Variants in NUP42 observed in about 807,000 individuals in gnomAD.
NUP42 encodes nucleoporin 42.
A neutral mutation model predicts 35.9 loss-of-function variants in NUP42; 47 were observed. The observed-to-expected ratio is 1.31, with a 90% CI of 1.04 to 1.67. The LOEUF (loss-of-function observed/expected upper bound fraction) is 1.67, where lower values mean the gene tolerates loss of function less well. NUP42 is among the 40% of genes most tolerant of loss of function. NUP42 has a pLI of 0.00. For missense variants in NUP42, 514 were observed against 492.2 expected, an observed-to-expected ratio of 1.04 and a Z score of -0.42; for synonymous variants, 173 against 173.3, an observed-to-expected ratio of 1.00 and a Z score of 0.01.
At chr7:23,196,433 T>G in intron 4 of NUP42, 1 of 423,432 alleles carries the variant, frequency 2.4e-6, no homozygotes, top group Non-Finnish European at 4.2e-6. Flanking sequence ...CAAATATAAC[T>G]AACTACGTGC....
chr7:23,196,787 T>C, intron 5 of NUP42, 21 bp downstream of exon 5: 1 of 1,498,046 alleles, frequency 6.7e-7, no homozygotes, highest in South Asian at 1.1e-5. Flanking sequence ...GAGAGTTTTC[T>C]TGAGGGAAGT....
At chr7:23,184,748 T>C (rs2286272) in intron 1 of NUP42, among the ~76,000 whole-genome samples, 54,729 of 152,114 alleles carry the variant, frequency 0.36, 10,207 homozygotes, top group African/African-American at 0.44. Flanking sequence ...CTCATGCCTA[T>C]AATTCCAGCA....
intron 2 of NUP42, among the ~76,000 whole-genome samples, chr7:23,185,658 C>G (rs190209556): frequency 6.6e-6 from 1 of 152,328 alleles, no homozygotes; most frequent in Non-Finnish European, 1.5e-5. Flanking sequence ...TAAGTTCATT[C>G]TAACTTACAA....
intron 3 of NUP42, chr7:23,194,945 C>G (rs1032196139): frequency 7.2e-6 from 1 of 139,614 alleles, no homozygotes; most frequent in Non-Finnish European, 1.6e-5. Context: ...GCCTCAGCCT[C>G]CCAAAGTGCT....
chr7:23,193,189 A>C (rs1785868745), intron 3 of NUP42, among the ~76,000 whole-genome samples: 1 of 152,174 alleles, frequency 6.6e-6, no homozygotes, highest in Non-Finnish European at 1.5e-5. Context: ...ATGTGGACCC[A>C]AAGAGTGAGC....
At chr7:23,193,963 C>T (rs1785914849) in intron 3 of NUP42, among the ~76,000 whole-genome samples, 1 of 152,260 alleles carries the variant, frequency 6.6e-6, no homozygotes, top group Non-Finnish European at 1.5e-5. Context: ...CCCTCCGCAG[C>T]CGCTGGCCCG....
At chr7:23,184,579 T>C (rs1785526645) in intron 1 of NUP42, among the ~76,000 whole-genome samples, 2 of 152,240 alleles carry the variant, frequency 1.3e-5, no homozygotes, top group African/African-American at 4.8e-5. Context: ...GATTTGTTGA[T>C]ATTACAACCT....
intron 3 of NUP42, chr7:23,188,269 T>A (rs1012139604): frequency 1.6e-6 from 2 of 1,230,852 alleles, no homozygotes; most frequent in African/African-American, 3.1e-5. Context: ...TTAACAAATA[T>A]TTACTGAATT....
chr7:23,182,417 C>G lies in NUP42; in HGVS notation c.121+211C>G. 3 of 1,379,442 alleles carry G rather than the reference C, an allele frequency of 2.2e-6. 1 individual carries two copies. Among genetic ancestry groups the G allele is most frequent in the South Asian group, 3.5e-5 (2 of 57,832 alleles). The allele number at this position is 1,379,442 out of a possible 1,614,324, so 85.5% of individuals were successfully genotyped here. ...CCGTTTTTATTGAGCTTCTGAGGAC[C>G]TGGGTTTGGGCCTGGATGCTTGTGC... is the stretch of plus-strand genomic sequence containing the variant. On this transcript the variant is annotated intron_variant, in intron 1 of 6. Coordinates refer to ENST00000258742, the MANE Select transcript of NUP42 (RefSeq NM_007342.3).
At chr7:23,194,169 C>A (rs1252121096) in intron 3 of NUP42, among the ~76,000 whole-genome samples, 3 of 152,230 alleles carry the variant, frequency 2.0e-5, no homozygotes, top group African/African-American at 7.2e-5. Flanking sequence ...CAGAAAGGGG[C>A]TCCCACAGTG....
intron 3 of NUP42, among the ~76,000 whole-genome samples, chr7:23,192,736 G>A (rs1195580097): frequency 1.3e-5 from 2 of 151,756 alleles, no homozygotes; most frequent in African/African-American, 4.8e-5. Flanking sequence ...TGTACAAGTG[G>A]CCCCTGTACA....
intron 1 of NUP42, chr7:23,182,625 C>G (rs561101358): frequency 1.9e-6 from 1 of 537,732 alleles, no homozygotes. Flanking sequence ...ACCGGCCGGG[C>G]GGTGGCTCAC....
intron 3 of NUP42, among the ~76,000 whole-genome samples, chr7:23,192,546 CAAAAAAA>C (rs200047613): frequency 0.016 from 1,049 of 65,344 alleles, 15 homozygotes; most frequent in East Asian, 0.14. Flanking sequence ...GACTTCATCT[CAAAAAAA>C]AAAAAAAAAA....
rs1366276174 is a variant in NUP42, at chr7:23,200,714, A to C, written c.1241A>C (p.Lys414Thr). 1 of 1,602,962 alleles carries C rather than the reference A, an allele frequency of 6.2e-7. No individual in the cohort carries two copies. The highest frequency in any genetic ancestry group is 8.5e-7 in the Non-Finnish European group (1 of 1,175,932). ...KKFTLGKIPL[K>T]PPPLELLNV ...TTTACTCTGGGAAAAATTCCATTAA[A>C]GCCTCCACCTCTGGAACTTCTAAAT... Residue 414 changes from lysine to threonine, a missense_variant, in exon 7 of 7, where the codon AAG (lysine) becomes ACG (threonine). Coordinates refer to ENST00000258742, the MANE Select transcript of NUP42 (RefSeq NM_007342.3).
intron 3 of NUP42, among the ~76,000 whole-genome samples, chr7:23,194,197 TCTC>T (rs1299172318): frequency 1.3e-5 from 2 of 152,144 alleles, no homozygotes; most frequent in African/African-American, 2.4e-5. Flanking sequence ...GGGCTGAAGG[TCTC>T]CTCAAGTGCC....
intron 3 of NUP42, chr7:23,188,204 C>T (rs1785670789): frequency 1.6e-6 from 2 of 1,259,318 alleles, no homozygotes; most frequent in South Asian, 7.2e-5. Context: ...GTTCTAGTTG[C>T]TCATTTTCTG....
intron 3 of NUP42, among the ~76,000 whole-genome samples, chr7:23,193,051 G>A (rs954634693): frequency 4.6e-5 from 7 of 151,966 alleles, no homozygotes; most frequent in Admixed American, 1.3e-4. Context: ...GGACCTTCGC[G>A]GTGAGTGTTA....
intron 5 of NUP42, 100 bp downstream of exon 5, chr7:23,196,866 A>G (rs920515010): frequency 1.2e-5 from 9 of 773,070 alleles, no homozygotes; most frequent in Non-Finnish European, 1.9e-5. Flanking sequence ...AAAATTTTCT[A>G]TCAAGAATTA....
At chr7:23,191,291 A>T (rs1242029031) in intron 3 of NUP42, among the ~76,000 whole-genome samples, 1 of 152,212 alleles carries the variant, frequency 6.6e-6, no homozygotes, top group African/African-American at 2.4e-5. Context: ...CTAACTCAGC[A>T]TGCTGTGTGA....
Sources: allele counts gnomAD v4.1 joint callset (sites outside exome capture counted in the v4.1 genomes callset), GRCh38; gene constraint gnomAD v4.1.1; transcripts MANE v1.5; gene names NCBI Gene and HGNC (gene_info 2026-07-23, HGNC 2026-07-21).